Variants in WWOX observed in about 807,000 individuals in gnomAD.
WWOX encodes WW domain-containing oxidoreductase.
In WWOX, 69 loss-of-function variants were observed where a neutral mutation model predicts 46.2. The ratio of observed to expected loss-of-function variants is 1.49; its 90% CI spans 1.23 to 1.82. WWOX has a LOEUF of 1.82. Ranked by LOEUF, WWOX falls within the 40% of genes most tolerant of loss-of-function variation. The probability of loss-of-function intolerance (pLI) is 0.00; values close to 1 mark genes in which losing one functional copy is unlikely to be tolerated. For missense variants in WWOX, 919 were observed against 542.6 expected, an observed-to-expected ratio of 1.69 and a Z score of -6.89; for synonymous variants, 359 against 202.6, an observed-to-expected ratio of 1.77 and a Z score of -6.56.
intron 6 of WWOX, among the ~76,000 whole-genome samples, chr16:78,399,688 T>G (rs1284199022): frequency 6.6e-6 from 1 of 152,186 alleles, no homozygotes; most frequent in Non-Finnish European, 1.5e-5. Context: ...GGTTTGAGTT[T>G]CTGTGGTTTA....
chr16:78,736,751 C>T (rs150808516), intron 8 of WWOX, among the ~76,000 whole-genome samples: 1 of 152,220 alleles, frequency 6.6e-6, no homozygotes, highest in South Asian at 2.1e-4. Flanking sequence ...AGGCGCATGC[C>T]TCCACATCTG....
Position 78,897,462 on chromosome 16 carries a change from A to G in WWOX, c.1057-314146A>G, listed in dbSNP as rs567370804. The stretch of plus-strand genomic sequence containing the variant: ...TGTCGTCTTCTGCTTAATGATTCAC[A>G]TAATGTTTTTGTGATTCATCCATGT... On this transcript the variant is annotated intron_variant, in intron 8 of 8. Transcript: ENST00000566780. 12 of 152,162 alleles carry G rather than the reference A, an allele frequency of 7.9e-5. No homozygotes were observed. The South Asian group carries it at 1.9e-3, about 24-fold the overall frequency. 9.4% of individuals were successfully genotyped at this position (152,162 alleles called of 1,614,324 possible).
intron 8 of WWOX, among the ~76,000 whole-genome samples, chr16:78,977,219 G>A (rs1236005902): frequency 6.6e-6 from 1 of 152,222 alleles, no homozygotes; most frequent in Non-Finnish European, 1.5e-5. Context: ...TCTTCAGACA[G>A]GAGAGCCCTG....
chr16:78,887,867 G>C (rs932352861), intron 8 of WWOX, among the ~76,000 whole-genome samples: 3 of 152,076 alleles, frequency 2.0e-5, no homozygotes, highest in African/African-American at 7.2e-5. Context: ...TTCATGTCCT[G>C]GTGTTCATTG....
chr16:78,555,974 T>C (rs1277939744), intron 8 of WWOX, among the ~76,000 whole-genome samples: 1 of 151,486 alleles, frequency 6.6e-6, no homozygotes, highest in Non-Finnish European at 1.5e-5. Context: ...AGGAATCGAG[T>C]GTCATGGAGG....
intron 8 of WWOX, among the ~76,000 whole-genome samples, chr16:79,051,449 C>G (rs1312188496): frequency 1.3e-5 from 2 of 152,226 alleles, no homozygotes; most frequent in African/African-American, 4.8e-5. Context: ...CCTTGACCAA[C>G]GAAGACCTTT....
At chr16:78,443,883 T>C (rs1251427967) in intron 8 of WWOX, among the ~76,000 whole-genome samples, 1 of 152,194 alleles carries the variant, frequency 6.6e-6, no homozygotes, top group Admixed American at 6.5e-5. Context: ...CCAGTGATTT[T>C]TGGCTGCAAC....
Position 78,821,132 on chromosome 16 carries a change from G to T in WWOX, c.1056+388380G>T, listed in dbSNP as rs76640997. Among the ~76,000 whole-genome samples the T allele has an allele frequency of 4.6e-5, 7 of 152,276 alleles. No individual in the cohort carries two copies. In the East Asian group the frequency reaches 1.2e-3, roughly 25 times the overall value. The stretch of plus-strand genomic sequence containing the variant: ...TTGAACCCACTGCACTGCATCAAAC[G>T]TATGGGTGTGCTTTCTCTTGGCCTT... On this transcript the variant is annotated intron_variant, in intron 8 of 8. Transcript: ENST00000566780.
intron 8 of WWOX, among the ~76,000 whole-genome samples, chr16:78,495,404 G>C (rs890312433): frequency 8.6e-5 from 13 of 151,714 alleles, no homozygotes; most frequent in African/African-American, 3.1e-4. Context: ...GCCTCCCAAA[G>C]TGCTGGGATT....
chr16:78,676,521 T>A (rs1054512111), intron 8 of WWOX, among the ~76,000 whole-genome samples: 18 of 152,120 alleles, frequency 1.2e-4, no homozygotes, highest in Non-Finnish European at 2.2e-4. Context: ...GAAAGCACAT[T>A]GTTCCAACTC....
intron 5 of WWOX, among the ~76,000 whole-genome samples, chr16:78,363,670 C>T (rs994613193): frequency 6.6e-6 from 1 of 152,172 alleles, no homozygotes; most frequent in African/African-American, 2.4e-5. Flanking sequence ...ACTTGACCAC[C>T]ACCATTCAGG....
At chr16:78,308,412 A>G (rs1327402768) in intron 5 of WWOX, among the ~76,000 whole-genome samples, 1 of 152,194 alleles carries the variant, frequency 6.6e-6, no homozygotes, top group East Asian at 1.9e-4. Context: ...TTCAGTCACA[A>G]CTGAACAGCA....
At chr16:78,876,636 G>T (rs1257754569) in intron 8 of WWOX, among the ~76,000 whole-genome samples, 1 of 152,040 alleles carries the variant, frequency 6.6e-6, no homozygotes, top group Non-Finnish European at 1.5e-5. Context: ...TTTCTCTAGA[G>T]ATCTCTAAAA....
chr16:78,536,028 G>T (rs1014856403), intron 8 of WWOX, among the ~76,000 whole-genome samples: 1 of 152,166 alleles, frequency 6.6e-6, no homozygotes, highest in African/African-American at 2.4e-5. Flanking sequence ...TTGGCTGTGG[G>T]AGCCATAATG....
At chr16:78,435,510 C>A (rs952174662) in intron 8 of WWOX, among the ~76,000 whole-genome samples, 2 of 152,150 alleles carry the variant, frequency 1.3e-5, no homozygotes, top group African/African-American at 4.8e-5. Flanking sequence ...AGTGAGAAAG[C>A]TGTGGGAAAA....
chr16:78,779,789 C>G (rs1326597246), intron 8 of WWOX, among the ~76,000 whole-genome samples: 2 of 152,106 alleles, frequency 1.3e-5, no homozygotes. Context: ...GGGATCTAGA[C>G]TGAGGCTCTC....
chr16:78,758,550 T>C (rs1283679160), intron 8 of WWOX, among the ~76,000 whole-genome samples: 3 of 152,226 alleles, frequency 2.0e-5, no homozygotes, highest in East Asian at 3.9e-4. Context: ...ATCTATACTT[T>C]TCAACACAAT....
chr16:78,170,958 G>A (rs1469657543), intron 5 of WWOX, among the ~76,000 whole-genome samples: 1 of 152,234 alleles, frequency 6.6e-6, no homozygotes, highest in Admixed American at 6.5e-5. Flanking sequence ...TAATGATTCA[G>A]GTTTTCAATA....
At chr16:78,306,475 T>C (rs894882784) in intron 5 of WWOX, among the ~76,000 whole-genome samples, 1 of 152,176 alleles carries the variant, frequency 6.6e-6, no homozygotes, top group Non-Finnish European at 1.5e-5. Flanking sequence ...TCTGGGCACC[T>C]TTCCCAAAGG....
Sources: gnomAD v4.1 joint callset for allele counts (sites outside exome capture counted in the v4.1 genomes callset) on GRCh38, gnomAD v4.1.1 for gene constraint, MANE v1.5 for transcripts, NCBI Gene and HGNC (gene_info 2026-07-23, HGNC 2026-07-21) for gene names.